MDGA2: variants seen among roughly 807,000 people sequenced by gnomAD.
MDGA2 encodes the protein MAM domain-containing glycosylphosphatidylinositol anchor protein 2.
In MDGA2, 40 loss-of-function variants were observed where a neutral mutation model predicts 117.8. The observed-to-expected ratio is 0.34, with a 90% CI of 0.26 to 0.44. The LOEUF (loss-of-function observed/expected upper bound fraction) is 0.44, where lower values mean the gene tolerates loss of function less well. Ranked by LOEUF, MDGA2 falls within the 20% of genes least tolerant of loss-of-function variation. The pLI is 1.00. For synonymous variants in MDGA2, 452 were observed against 439.0 expected (o/e 1.03, Z -0.37); for missense variants, 1,123 against 1,250.6 (o/e 0.90, Z 1.54).
At chr14:47,459,003 A>G (rs1044430575) in intron 1 of MDGA2, among the ~76,000 whole-genome samples, 3 of 150,842 alleles carry the variant, frequency 2.0e-5, no homozygotes, top group African/African-American at 7.3e-5. Flanking sequence ...CTAGGGAGAG[A>G]AGTATTTATG....
At chr14:47,186,451 C>T (rs544791484) in intron 3 of MDGA2, among the ~76,000 whole-genome samples, 23 of 151,646 alleles carry the variant, frequency 1.5e-4, no homozygotes, top group Non-Finnish European at 2.1e-4. Context: ...TTCAAATAAT[C>T]ACAAATGCAC....
At chr14:47,062,608 T>C (rs1338677096) in intron 6 of MDGA2, among the ~76,000 whole-genome samples, 1 of 151,826 alleles carries the variant, frequency 6.6e-6, no homozygotes, top group Non-Finnish European at 1.5e-5. Context: ...GGATAAAATA[T>C]TGGTCATCCA....
At chr14:47,591,992 C>T (rs1896449917) in intron 1 of MDGA2, among the ~76,000 whole-genome samples, 1 of 151,756 alleles carries the variant, frequency 6.6e-6, no homozygotes, top group Admixed American at 6.6e-5. Flanking sequence ...TGAAGTGTGC[C>T]CATAATCCTA....
At chr14:47,575,962 T>C (rs2138830637) in intron 1 of MDGA2, among the ~76,000 whole-genome samples, 1 of 152,324 alleles carries the variant, frequency 6.6e-6, no homozygotes, top group Admixed American at 6.5e-5. Flanking sequence ...AAATCTGGGC[T>C]TCCTCTGAAG....
At chr14:47,101,114 T>C (rs995028053) in intron 5 of MDGA2, among the ~76,000 whole-genome samples, 6 of 139,538 alleles carry the variant, frequency 4.3e-5, no homozygotes, top group Admixed American at 1.5e-4. Flanking sequence ...GATAGATAGA[T>C]AGATAGATAG....
intron 2 of MDGA2, among the ~76,000 whole-genome samples, chr14:47,300,016 T>A (rs981574620): frequency 6.6e-6 from 1 of 152,228 alleles, no homozygotes; most frequent in African/African-American, 2.4e-5. Flanking sequence ...GTTTTAGCCA[T>A]AGTCTTATCT....
At chr14:47,046,748 T>TA (rs1263318288) in intron 7 of MDGA2, among the ~76,000 whole-genome samples, 1 of 152,102 alleles carries the variant, frequency 6.6e-6, no homozygotes, top group Non-Finnish European at 1.5e-5. Context: ...AAACTACTAA[T>TA]AATAGGCAGG....
At chr14:46,871,723 T>G (rs984543423) in intron 14 of MDGA2, 1 of 159,306 alleles carries the variant, frequency 6.3e-6, no homozygotes, top group Non-Finnish European at 1.4e-5. Context: ...GTTATTATTC[T>G]CATTTTACAG....
intron 2 of MDGA2, among the ~76,000 whole-genome samples, chr14:47,244,442 T>A (rs1002852689): frequency 1.3e-5 from 2 of 151,838 alleles, no homozygotes; most frequent in Non-Finnish European, 2.9e-5. Flanking sequence ...GGAAGGCCTA[T>A]CTCTGGCCTT....
chr14:46,922,938 A>G (rs1256977672), intron 9 of MDGA2, among the ~76,000 whole-genome samples: 1 of 152,212 alleles, frequency 6.6e-6, no homozygotes, highest in Non-Finnish European at 1.5e-5. Flanking sequence ...GGAAGTAGCT[A>G]TCTTATTATA....
intron 3 of MDGA2, chr14:47,200,928 AGC>A (rs1885481165): frequency 1.2e-6 from 1 of 837,808 alleles, no homozygotes; most frequent in Non-Finnish European, 2.1e-6. Context: ...TGGGGCAGCA[AGC>A]CTCGCTCGGT....
chr14:47,043,696 A>G (rs1361856219), intron 7 of MDGA2, among the ~76,000 whole-genome samples: 1 of 152,070 alleles, frequency 6.6e-6, no homozygotes, highest in African/African-American at 2.4e-5. Context: ...TTATTTGTCA[A>G]ACCTTAATAA....
chr14:46,845,928 C>G (rs1880821193), intron 15 of MDGA2, 57 bp from the exon 16 acceptor site: 3 of 1,259,914 alleles, frequency 2.4e-6, no homozygotes, highest in Non-Finnish European at 3.5e-6. Context: ...AGATCAGTTT[C>G]TCTTGAGAAA....
chr14:47,540,202 A>C (rs1388002012), intron 1 of MDGA2, among the ~76,000 whole-genome samples: 1 of 151,810 alleles, frequency 6.6e-6, no homozygotes, highest in Non-Finnish European at 1.5e-5. Context: ...TTTGGTAGAG[A>C]CGGGGTTTCA....
At chr14:47,269,044 A>C (rs1215209005) in intron 2 of MDGA2, among the ~76,000 whole-genome samples, 1 of 152,200 alleles carries the variant, frequency 6.6e-6, no homozygotes. Context: ...AGGAGGAGAA[A>C]AAAATCTCTG....
chr14:47,087,801 C>CAA (rs11418956), intron 6 of MDGA2, among the ~76,000 whole-genome samples: 92 of 139,320 alleles, frequency 6.6e-4, no homozygotes, highest in Non-Finnish European at 2.9e-4. Flanking sequence ...TGTAGGGTAT[C>CAA]AAAAAAAAAA....
At chr14:47,328,734 T>C (rs1890212865) in intron 1 of MDGA2, among the ~76,000 whole-genome samples, 1 of 152,154 alleles carries the variant, frequency 6.6e-6, no homozygotes, top group Non-Finnish European at 1.5e-5. Context: ...AGCCTTTCAC[T>C]GAAGGAAATT....
intron 1 of MDGA2, among the ~76,000 whole-genome samples, chr14:47,520,172 T>C (rs977443047): frequency 1.3e-5 from 2 of 152,316 alleles, no homozygotes; most frequent in South Asian, 4.1e-4. Context: ...ACTTCACTTA[T>C]TCTCAGGAGC....
intron 1 of MDGA2, among the ~76,000 whole-genome samples, chr14:47,614,506 C>G (rs150782043): frequency 2.0e-5 from 3 of 152,190 alleles, no homozygotes; most frequent in Non-Finnish European, 4.4e-5. Context: ...TATTTCCACA[C>G]TCGTGCTAAC....
Sources: allele counts gnomAD v4.1 joint callset (sites outside exome capture counted in the v4.1 genomes callset), GRCh38; gene constraint gnomAD v4.1.1; transcripts MANE v1.5; gene names NCBI Gene and HGNC (gene_info 2026-07-23, HGNC 2026-07-21).